The following DNAI3 variants were observed in gnomAD, a reference collection of about 807,000 sequenced individuals.
The protein encoded by DNAI3 is WD repeat domain 63.
In DNAI3, 83 loss-of-function variants were observed where a neutral mutation model predicts 115.5. That is an observed-to-expected ratio of 0.72 (90% CI 0.60 to 0.86). The LOEUF (loss-of-function observed/expected upper bound fraction) is 0.86, where lower values mean the gene tolerates loss of function less well. Among genes scored for constraint, DNAI3 ranks in the 40% least tolerant of loss-of-function variants. DNAI3 has a pLI of 0.00. For synonymous variants in DNAI3, 320 were observed against 347.0 expected, an observed-to-expected ratio of 0.92 and a Z score of 0.86; for missense variants, 1,004 against 1,075.8, an observed-to-expected ratio of 0.93 and a Z score of 0.93.
chr1:85,117,701 ACTT>A (rs762925428), intron 16 of DNAI3, 25 bp from the exon 17 acceptor site: 3 of 1,606,194 alleles, frequency 1.9e-6, no homozygotes, highest in African/African-American at 1.3e-5. Flanking sequence ...GTAAATATGT[ACTT>A]CTTCTACCCA....
At chr1:85,079,592 T>C (rs765859714) in intron 3 of DNAI3, among the ~76,000 whole-genome samples, 1 of 150,742 alleles carries the variant, frequency 6.6e-6, no homozygotes, top group Non-Finnish European at 1.5e-5. Flanking sequence ...ACCCTGGGAG[T>C]TGGGGAGAGA....
At chr1:85,079,718 G>T (rs1654572082) in intron 3 of DNAI3, among the ~76,000 whole-genome samples, 1 of 152,092 alleles carries the variant, frequency 6.6e-6, no homozygotes, top group African/African-American at 2.4e-5. Context: ...ATTCTCCTTT[G>T]TCCTCTAGCG....
chr1:85,108,762 C>T (rs1254777893), intron 15 of DNAI3, among the ~76,000 whole-genome samples: 2 of 152,114 alleles, frequency 1.3e-5, no homozygotes, highest in African/African-American at 2.4e-5. Context: ...TCAACCTTTG[C>T]CTCCCTTCTT....
chr1:85,110,911 T>G (rs990819879), intron 16 of DNAI3, among the ~76,000 whole-genome samples: 5 of 152,096 alleles, frequency 3.3e-5, no homozygotes, highest in Non-Finnish European at 7.4e-5. Context: ...GAAAGAAAAC[T>G]GACTTTTAAA....
chr1:85,094,117 C>A, intron 9 of DNAI3: 1 of 421,802 alleles, frequency 2.4e-6, no homozygotes, highest in Non-Finnish European at 4.4e-6. Flanking sequence ...CTTTCTTCCT[C>A]CTTTCACCCT....
At chr1:85,097,430 C>A (rs1655155823) in intron 11 of DNAI3, 139 bp from the exon 12 acceptor site, 3 of 561,128 alleles carry the variant, frequency 5.3e-6, no homozygotes, top group East Asian at 3.5e-5. Context: ...AAATTGCTGA[C>A]TTACTTAAGA....
intron 11 of DNAI3, among the ~76,000 whole-genome samples, chr1:85,096,837 A>G (rs1480619483): frequency 6.6e-6 from 1 of 152,166 alleles, no homozygotes; most frequent in Non-Finnish European, 1.5e-5. Flanking sequence ...AGTTTTGTTC[A>G]ACAATAACTG....
intron 4 of DNAI3, among the ~76,000 whole-genome samples, chr1:85,081,938 G>A (rs1010739276): frequency 2.6e-5 from 4 of 152,174 alleles, no homozygotes; most frequent in Admixed American, 6.5e-5. Context: ...ACCGTGCTCC[G>A]CCTTTGCCCA....
chr1:85,084,513 A>G lies in DNAI3; in HGVS notation c.391-33A>G, dbSNP rs753219967. 3 of 1,328,642 alleles carry G rather than the reference A, an allele frequency of 2.3e-6. No homozygotes were observed. The East Asian group carries it at 8.4e-5, about 37-fold the overall frequency. The allele number at this position is 1,328,642 out of a possible 1,614,324, so 82.3% of individuals were successfully genotyped here. ...ATAAAGCTATAACCTAAACTTGGGC[A>G]TACATTGTAGAATGCTATTTATTTT... is the stretch of plus-strand genomic sequence containing the variant. On this transcript the variant is annotated intron_variant, in intron 5 of 22. Transcript: ENST00000294664.
intron 17 of DNAI3, among the ~76,000 whole-genome samples, chr1:85,119,182 A>G (rs1655916947): frequency 6.6e-6 from 1 of 152,238 alleles, no homozygotes; most frequent in Non-Finnish European, 1.5e-5. Flanking sequence ...TTTTAAATGT[A>G]CAATTCAGTG....
At chr1:85,095,498 T>C (rs1655096642) in intron 10 of DNAI3, among the ~76,000 whole-genome samples, 1 of 152,214 alleles carries the variant, frequency 6.6e-6, no homozygotes, top group South Asian at 2.1e-4. Flanking sequence ...CTAACCTTTC[T>C]ACCCTGTAGA....
intron 18 of DNAI3, among the ~76,000 whole-genome samples, chr1:85,122,166 T>C (rs1038747122): frequency 2.0e-5 from 3 of 152,252 alleles, no homozygotes; most frequent in African/African-American, 7.2e-5. Flanking sequence ...AATAAAATAC[T>C]GTTTCAATAA....
intron 13 of DNAI3, chr1:85,099,345 G>A (rs897821677): frequency 6.5e-6 from 6 of 923,304 alleles, no homozygotes; most frequent in Non-Finnish European, 7.8e-6. Flanking sequence ...AACAGACAGA[G>A]AGCCAAATCA....
intron 10 of DNAI3, 99 bp downstream of exon 10, chr1:85,094,654 ATGT>A (rs2100582275): frequency 2.1e-6 from 3 of 1,406,000 alleles, no homozygotes; most frequent in East Asian, 4.6e-5. Flanking sequence ...TAATCATGTA[ATGT>A]TGTAAACATT....
intron 3 of DNAI3, among the ~76,000 whole-genome samples, chr1:85,079,679 G>C (rs954535995): frequency 3.9e-5 from 6 of 152,098 alleles, no homozygotes; most frequent in Admixed American, 3.3e-4. Context: ...CAGGAAGAAG[G>C]CTTGAGAGAG....
rs1158558478 is a variant in DNAI3 at position 85,108,056 on chromosome 1, GACC to G, written c.1580_1582del (p.Pro527del). 4 of 1,592,620 alleles carry G rather than the reference GACC, an allele frequency of 2.5e-6. No homozygotes were observed. Among genetic ancestry groups the G allele is most frequent in the Non-Finnish European group, 3.4e-6 (4 of 1,172,638 alleles). ...AGCACAATATGTTTTTGGGATATTA[GACC>G]ACAGAAACCTTTAACCCCCCAAACA... On this transcript the variant is annotated inframe_deletion, in exon 15 of 23. Coordinates refer to ENST00000294664, the MANE Select transcript of DNAI3 (RefSeq NM_145172.5).
At chr1:85,063,385 CG>C (rs1224773054) in intron 1 of DNAI3, among the ~76,000 whole-genome samples, 1 of 151,926 alleles carries the variant, frequency 6.6e-6, no homozygotes, top group Non-Finnish European at 1.5e-5. Flanking sequence ...GGAAAGTCCT[CG>C]ACTGTTTGGG....
intron 3 of DNAI3, among the ~76,000 whole-genome samples, chr1:85,080,174 C>T (rs1322721022): frequency 6.6e-6 from 1 of 151,252 alleles, no homozygotes. Flanking sequence ...GCCTCAGCCT[C>T]CCGAGTAGCT....
intron 13 of DNAI3, among the ~76,000 whole-genome samples, 200 bp from the exon 14 acceptor site, chr1:85,104,324 G>A (rs1655421724): frequency 6.6e-6 from 1 of 152,048 alleles, no homozygotes; most frequent in African/African-American, 2.4e-5. Flanking sequence ...CTTTCACCGT[G>A]TTAGCCAGAA....
Sources: gnomAD v4.1 joint callset for allele counts (sites outside exome capture counted in the v4.1 genomes callset) on GRCh38, gnomAD v4.1.1 for gene constraint, MANE v1.5 for transcripts, NCBI Gene and HGNC (gene_info 2026-07-23, HGNC 2026-07-21) for gene names.